HSF5: variants seen among roughly 807,000 people sequenced by gnomAD.
HSF5 encodes heat shock factor protein 5.
A neutral mutation model predicts 50.8 loss-of-function variants in HSF5; 5 were observed. The ratio of observed to expected loss-of-function variants is 0.10; its 90% CI spans 0.05 to 0.21. The LOEUF is 0.21. Ranked by LOEUF, HSF5 falls within the 10% of genes least tolerant of loss-of-function variation. The probability of loss-of-function intolerance (pLI) is 1.00; values close to 1 mark genes in which losing one functional copy is unlikely to be tolerated. For missense variants in HSF5, 564 were observed against 762.6 expected (o/e 0.74, Z 3.07); for synonymous variants, 307 against 307.4 (o/e 1.00, Z 0.02).
At chr17:58,436,279 G>A (rs1211231660) in intron 5 of HSF5, among the ~76,000 whole-genome samples, 1 of 152,030 alleles carries the variant, frequency 6.6e-6, no homozygotes, top group Non-Finnish European at 1.5e-5. Flanking sequence ...CTAGGCCAAG[G>A]TCTATCAGAG....
chr17:58,472,664 T>C (rs1214517880), intron 2 of HSF5, among the ~76,000 whole-genome samples: 5 of 152,180 alleles, frequency 3.3e-5, no homozygotes, highest in Non-Finnish European at 5.9e-5. Context: ...CTGAAGTTCA[T>C]ATCCAATGAT....
At chr17:58,454,770 G>A (rs1974686833) in intron 5 of HSF5, among the ~76,000 whole-genome samples, 1 of 152,098 alleles carries the variant, frequency 6.6e-6, no homozygotes, top group African/African-American at 2.4e-5. Flanking sequence ...ACTTAACCAA[G>A]GAGGTGAATT....
rs139517849 is a variant in HSF5 at position 58,462,931 on chromosome 17, G to A, written c.1393C>T (p.His465Tyr). ...PQSPEYIYTI[H>Y]TAQPVENSTI... The stretch of plus-strand genomic sequence containing the variant: ...CTATTTTCAACAGGCTGAGCTGTGT[G>A]GATGGTATAGATGTACTCAGGTGAC... The change falls in exon 4 of 6, where the codon CAC (histidine) becomes TAC (tyrosine). Residue 465 changes from histidine (H) to tyrosine (Y), a missense_variant. His to Tyr is a moderately conservative substitution (Grantham distance 83). Coordinates refer to ENST00000323777, the MANE Select transcript of HSF5 (RefSeq NM_001080439.3). 6.8e-6 allele frequency: 11 copies of A among 1,614,206 alleles called. No homozygotes were observed. The highest frequency in any genetic ancestry group is 9.3e-6 in the Non-Finnish European group (11 of 1,180,034).
At chr17:58,469,281 T>C (rs1311129039) in intron 2 of HSF5, among the ~76,000 whole-genome samples, 1 of 152,166 alleles carries the variant, frequency 6.6e-6, no homozygotes, top group Admixed American at 6.5e-5. Flanking sequence ...TCTGACTCCA[T>C]TGGTTACACA....
At chr17:58,468,791 T>C (rs901870254) in intron 2 of HSF5, among the ~76,000 whole-genome samples, 1 of 152,198 alleles carries the variant, frequency 6.6e-6, no homozygotes, top group African/African-American at 2.4e-5. Context: ...GGCAAAATTA[T>C]AGTTCAGACA....
At chr17:58,449,989 C>G (rs1485877747) in intron 5 of HSF5, among the ~76,000 whole-genome samples, 1 of 142,588 alleles carries the variant, frequency 7.0e-6, no homozygotes, top group Non-Finnish European at 1.5e-5. Flanking sequence ...CGCCACTGCA[C>G]TCCAGCCTGG....
Position 58,458,933 on chromosome 17 carries a change from T to C in HSF5, c.1555A>G (p.Ile519Val), listed in dbSNP as rs137945238. 1.6e-4 allele frequency: 265 copies of C among 1,608,936 alleles called. 2 individuals are homozygous for C. The East Asian group carries it at 4.4e-3, about 27-fold the overall frequency. The change falls in exon 5 of 6, where the codon ATA becomes GTA. Residue 519 changes from isoleucine (I) to valine (V), a missense_variant. Physicochemically the swap from Ile to Val is conservative, Grantham distance 29. Around this residue, in one of 5 missense-constraint regions of HSF5, gnomAD observed 441 missense variants for 533.6 expected, o/e 0.83. Transcript: ENST00000323777. ...TCACGTGAACTGGTCTGGCATTTTA[T>C]GTTGGCATCCACCTAAAATATTAAA... ...PFSTHQVDAN[I>V]KCQTSSRENI...
chr17:58,479,746 C>T (rs1975072697), intron 2 of HSF5, 147 bp downstream of exon 2: 1 of 689,434 alleles, frequency 1.5e-6, no homozygotes. Flanking sequence ...AAAAATATCT[C>T]CTGCTAAGAA....
rs981941178 is a variant in HSF5, at chr17:58,452,698, G to A, written c.1720+6070C>T. 2.6e-5 allele frequency among the ~76,000 whole-genome samples: 4 copies of A among 152,258 alleles called. No homozygotes were observed. The South Asian group carries it at 6.2e-4, about 24-fold the overall frequency. ...CACCGCACCATCTGGGAAGTGAGGCGCACCTCTGCCCAGCGGCCGCACCAT... is the reference window on the plus strand; with the variant it reads ...CACCGCACCATCTGGGAAGTGAGGCACACCTCTGCCCAGCGGCCGCACCAT... On this transcript the variant is annotated intron_variant, in intron 5 of 5. Coordinates refer to ENST00000323777, the MANE Select transcript of HSF5 (RefSeq NM_001080439.3).
intron 1 of HSF5, 97 bp downstream of exon 1, chr17:58,487,628 T>G: frequency 1.5e-6 from 2 of 1,321,618 alleles, no homozygotes; most frequent in Non-Finnish European, 1.9e-6. Context: ...CCGACGCCCA[T>G]AGCGTGAGGA....
chr17:58,472,047 G>C (rs1372360254), intron 2 of HSF5, among the ~76,000 whole-genome samples: 1 of 151,684 alleles, frequency 6.6e-6, no homozygotes, highest in Non-Finnish European at 1.5e-5. Flanking sequence ...AGTAGAGATG[G>C]GGTTTCACCA....
chr17:58,439,106 AAC>A (rs1439304572), intron 5 of HSF5, among the ~76,000 whole-genome samples: 1 of 151,886 alleles, frequency 6.6e-6, no homozygotes, highest in Non-Finnish European at 1.5e-5. Context: ...CAGACTAGGC[AAC>A]AGAGTGAGAC....
chr17:58,433,154 C>G (rs538099122), intron 5 of HSF5, among the ~76,000 whole-genome samples: 8 of 152,230 alleles, frequency 5.3e-5, no homozygotes, highest in Non-Finnish European at 1.0e-4. Flanking sequence ...GCTGGGACCA[C>G]AAGCACCTGC....
chr17:58,469,619 T>C (rs960401648), intron 2 of HSF5, among the ~76,000 whole-genome samples: 4 of 152,148 alleles, frequency 2.6e-5, no homozygotes, highest in Non-Finnish European at 5.9e-5. Context: ...AACCTAGGCA[T>C]AGAAATTTGA....
chr17:58,478,991 G>T (rs957321801), intron 2 of HSF5, among the ~76,000 whole-genome samples: 4 of 151,438 alleles, frequency 2.6e-5, no homozygotes, highest in African/African-American at 9.7e-5. Context: ...ATCTACCAGC[G>T]TGTTCTCAAT....
At chr17:58,436,308 C>T (rs1974426562) in intron 5 of HSF5, among the ~76,000 whole-genome samples, 1 of 152,012 alleles carries the variant, frequency 6.6e-6, no homozygotes, top group Admixed American at 6.6e-5. Context: ...TTTGCAACTT[C>T]ATGAATTGTA....
At chr17:58,474,568 C>T (rs557198593) in intron 2 of HSF5, among the ~76,000 whole-genome samples, 2 of 152,210 alleles carry the variant, frequency 1.3e-5, no homozygotes, top group African/African-American at 2.4e-5. Flanking sequence ...TTATAATTTA[C>T]ATCAAGCTAA....
chr17:58,476,074 C>A, intron 2 of HSF5: 1 of 574,790 alleles, frequency 1.7e-6, no homozygotes, highest in South Asian at 2.2e-5. Flanking sequence ...CAACTTGCTC[C>A]CAAGGACTGG....
intron 2 of HSF5, among the ~76,000 whole-genome samples, chr17:58,470,973 T>C (rs750481156): frequency 6.6e-6 from 1 of 152,150 alleles, no homozygotes; most frequent in Non-Finnish European, 1.5e-5. Flanking sequence ...ATTCCACTTA[T>C]ATGAGATATT....
Sources: allele counts gnomAD v4.1 joint callset (sites outside exome capture counted in the v4.1 genomes callset), GRCh38; gene constraint gnomAD v4.1.1; regional missense constraint gnomAD v4.1.1; transcripts MANE v1.5; gene names NCBI Gene and HGNC (gene_info 2026-07-23, HGNC 2026-07-21).